PHF20: variants seen among roughly 807,000 people sequenced by gnomAD.
The protein encoded by PHF20 is glioma-expressed antigen 2.
A neutral mutation model predicts 113.5 loss-of-function variants in PHF20; 23 were observed. The ratio of observed to expected loss-of-function variants is 0.20; its 90% CI spans 0.15 to 0.29. The LOEUF (loss-of-function observed/expected upper bound fraction) is 0.29. Among genes scored for constraint, PHF20 ranks in the 10% least tolerant of loss-of-function variants. The pLI is 1.00. For synonymous variants in PHF20, 434 were observed against 457.3 expected (o/e 0.95, Z 0.65); for missense variants, 943 against 1,219.6 (o/e 0.77, Z 3.38).
At chr20:35,799,272 A>G (rs1228830451) in intron 1 of PHF20, among the ~76,000 whole-genome samples, 1 of 144,218 alleles carries the variant, frequency 6.9e-6, no homozygotes, top group Admixed American at 7.1e-5. Context: ...TCAGCCTAGG[A>G]ACATAGATAC....
chr20:35,890,887 C>A (rs1443708583), intron 9 of PHF20, among the ~76,000 whole-genome samples: 1 of 151,672 alleles, frequency 6.6e-6, no homozygotes, highest in Non-Finnish European at 1.5e-5. Flanking sequence ...GTCTCAAAAA[C>A]AAAACAAACA....
chr20:35,830,554 G>C (rs537327585), intron 2 of PHF20, among the ~76,000 whole-genome samples: 2 of 152,148 alleles, frequency 1.3e-5, no homozygotes, highest in Non-Finnish European at 2.9e-5. Flanking sequence ...ACTGTTGTGA[G>C]TAATGCTGTG....
intron 9 of PHF20, among the ~76,000 whole-genome samples, chr20:35,889,338 C>G (rs6060661): frequency 6.6e-6 from 1 of 151,470 alleles, no homozygotes; most frequent in South Asian, 2.1e-4. Context: ...CTATTTTGCT[C>G]GTAATATTTT....
intron 1 of PHF20, among the ~76,000 whole-genome samples, chr20:35,780,245 G>T (rs6121045): frequency 2.3e-3 from 308 of 134,216 alleles, no homozygotes; most frequent in Non-Finnish European, 3.1e-3. Context: ...TTTTTTTTTG[G>T]GACGGAGTCT....
In PHF20 at chr20:35,870,967, C is replaced by A; in HGVS notation, c.935C>A (p.Ser312Ter). The A allele has an allele frequency of 6.3e-7, 1 of 1,593,226 alleles. No homozygotes were observed. The highest frequency in any genetic ancestry group is 8.5e-7 in the Non-Finnish European group (1 of 1,175,052). ...AATGGTTTAATAGCCCAGGAAAAGT[C>A]AAAAAACTACTCGGAAAACACTGAC... ...RLDKNSSQEK[S>*]KNYSENTDKD... is the part of the protein sequence containing the mutation. The change falls in exon 8 of 18, where the codon TCA becomes TAA. Residue 312 changes from serine (S) to a stop codon, truncating the protein, a stop_gained. Coordinates refer to ENST00000374012, the MANE Select transcript of PHF20 (RefSeq NM_016436.5). LOFTEE classifies it high-confidence loss of function.
intron 2 of PHF20, among the ~76,000 whole-genome samples, chr20:35,819,178 G>A (rs1331660690): frequency 4.0e-5 from 6 of 151,654 alleles, no homozygotes; most frequent in African/African-American, 1.5e-4. Flanking sequence ...TGATCTGCCC[G>A]CCTCAGCCTC....
At chr20:35,866,380 A>C (rs988759137) in intron 6 of PHF20, among the ~76,000 whole-genome samples, 1 of 152,174 alleles carries the variant, frequency 6.6e-6, no homozygotes, top group African/African-American at 2.4e-5. Context: ...ACCTTAGTGC[A>C]TTGAGAATGG....
In PHF20 at chr20:35,947,468, C is replaced by T; in HGVS notation, c.2897-17C>T. ...GTTGGGAGTTCACTAGGTCTCATCT[C>T]TCTCTTCTGCCGACAGTGTTGGAGA... On this transcript the variant is annotated splice_polypyrimidine_tract_variant and intron_variant, in intron 17 of 17. Coordinates refer to ENST00000374012, the MANE Select transcript of PHF20 (RefSeq NM_016436.5). 1 of 1,612,686 alleles carries T rather than the reference C, an allele frequency of 6.2e-7. No homozygotes were observed. The highest frequency in any genetic ancestry group is 1.7e-5 in the Admixed American group (1 of 59,954).
chr20:35,822,657 G>A (rs1421475798), intron 2 of PHF20, among the ~76,000 whole-genome samples: 2 of 150,656 alleles, frequency 1.3e-5, no homozygotes, highest in African/African-American at 2.4e-5. Context: ...ACCATTGCAA[G>A]ACCCTGTCTC....
At chr20:35,888,601 A>G (rs557483590) in intron 9 of PHF20, among the ~76,000 whole-genome samples, 16 of 152,294 alleles carry the variant, frequency 1.1e-4, no homozygotes, top group Admixed American at 8.5e-4. Context: ...CTCACTTTTG[A>G]ACCAGCAACT....
chr20:35,824,137 C>T (rs552413039), intron 2 of PHF20, among the ~76,000 whole-genome samples: 4 of 152,208 alleles, frequency 2.6e-5, no homozygotes, highest in South Asian at 2.1e-4. Context: ...GGTGAGAAAC[C>T]GCCAAACTTT....
intron 8 of PHF20, 76 bp downstream of exon 8, chr20:35,871,210 C>T: frequency 8.6e-7 from 1 of 1,161,874 alleles, no homozygotes; most frequent in East Asian, 2.4e-5. Context: ...TCATTATGTT[C>T]TGCCTTCCAC....
At chr20:35,803,950 G>A (rs1197723250) in intron 2 of PHF20, among the ~76,000 whole-genome samples, 3 of 151,880 alleles carry the variant, frequency 2.0e-5, no homozygotes, top group Non-Finnish European at 4.4e-5. Flanking sequence ...CAACTCCTGG[G>A]CTCAAGTGAT....
intron 6 of PHF20, among the ~76,000 whole-genome samples, chr20:35,867,705 C>T (rs1266506197): frequency 6.6e-6 from 1 of 152,216 alleles, no homozygotes; most frequent in Admixed American, 6.6e-5. Flanking sequence ...CCTCACACTT[C>T]AGGCCGTGTC....
In PHF20 at chr20:35,818,391, G is replaced by A. The variant is rs1382559484; in HGVS notation, c.83+16786G>A. 2.0e-5 allele frequency among the ~76,000 whole-genome samples: 3 copies of A among 152,150 alleles called. No individual in the cohort carries two copies. In the East Asian group the frequency reaches 5.8e-4, roughly 29 times the overall value. On this transcript the variant is annotated intron_variant, in intron 2 of 17. Transcript: ENST00000374012. ...TCCTCCTACTTCAGCCTCCTGAGTA[G>A]CTGGGACTACAGGCATGTGCCGCCA...
At chr20:35,815,560 G>A (rs1174133487) in intron 2 of PHF20, among the ~76,000 whole-genome samples, 1 of 152,098 alleles carries the variant, frequency 6.6e-6, no homozygotes, top group Non-Finnish European at 1.5e-5. Flanking sequence ...CCACCTCCCT[G>A]GTTCAGGTGA....
At chr20:35,871,892 TAAAA>T in intron 9 of PHF20, 63 bp downstream of exon 9, 1 of 956,388 alleles carries the variant, frequency 1.0e-6, no homozygotes. Flanking sequence ...CTTTGTGAAC[TAAAA>T]AAAAAAAAAT....
chr20:35,786,042 A>AC (rs1569116826), intron 1 of PHF20, among the ~76,000 whole-genome samples: 1 of 150,420 alleles, frequency 6.6e-6, no homozygotes, highest in Non-Finnish European at 1.5e-5. Flanking sequence ...AAAAAAAAAA[A>AC]AAACAAAAAA....
chr20:35,795,860 AT>A (rs1165486993), intron 1 of PHF20, among the ~76,000 whole-genome samples: 7 of 150,394 alleles, frequency 4.7e-5, no homozygotes, highest in East Asian at 1.9e-4. Context: ...ATTATTATAA[AT>A]TTTTTTTTTG....
Sources: allele counts gnomAD v4.1 joint callset (sites outside exome capture counted in the v4.1 genomes callset), GRCh38; gene constraint gnomAD v4.1.1; transcripts MANE v1.5; gene names NCBI Gene and HGNC (gene_info 2026-07-23, HGNC 2026-07-21).